The following DMD variants were observed in gnomAD, a reference collection of about 807,000 sequenced individuals.
The protein encoded by DMD is mutant dystrophin.
In DMD, 63 loss-of-function variants were observed where a neutral mutation model predicts 330.1. The ratio of observed to expected loss-of-function variants is 0.19; its 90% CI spans 0.16 to 0.24. The LOEUF is 0.24. Ranked by LOEUF, DMD falls within the 10% of genes least tolerant of loss-of-function variation. DMD has a pLI of 1.00. For missense variants in DMD, 3,344 were observed against 2,684.1 expected (o/e 1.25, Z -5.43); for synonymous variants, 1,223 against 959.8 (o/e 1.27, Z -5.07).
intron 13 of DMD, among the ~76,000 whole-genome samples, chrX:32,575,522 G>A (rs145478163): frequency 8.9e-6 from 1 of 112,142 alleles, no homozygotes; most frequent in South Asian, 3.7e-4. Context: ...GGAAATGTGC[G>A]AGCTTAAATC....
chrX:31,951,126 T>TATATATAC (rs1265596330), intron 45 of DMD, among the ~76,000 whole-genome samples: 10 of 80,383 alleles, frequency 1.2e-4, no homozygotes, highest in African/African-American at 3.9e-4. Flanking sequence ...TATATACATA[T>TATATATAC]ATATATATAT....
chrX:32,680,076 G>A (rs1226597954), intron 9 of DMD, among the ~76,000 whole-genome samples: 1 of 107,162 alleles, frequency 9.3e-6, no homozygotes, highest in African/African-American at 3.4e-5. Flanking sequence ...ACCACACCTG[G>A]CTGATTTTTG....
At chrX:31,381,889 C>T (rs1248063320) in intron 60 of DMD, among the ~76,000 whole-genome samples, 4 of 111,713 alleles carry the variant, frequency 3.6e-5, no homozygotes, top group South Asian at 3.8e-4. Context: ...CTCCCTTCCC[C>T]ACACATCAAG....
chrX:31,594,478 A>G (rs759454767), intron 55 of DMD, among the ~76,000 whole-genome samples: 19 of 111,758 alleles, frequency 1.7e-4, no homozygotes, highest in African/African-American at 6.1e-4. Flanking sequence ...CATCAAAAAA[A>G]TGTTGTTTGA....
chrX:32,055,007 G>A (rs1257280720), intron 44 of DMD, among the ~76,000 whole-genome samples: 2 of 111,093 alleles, frequency 1.8e-5, no homozygotes, highest in African/African-American at 6.5e-5. Flanking sequence ...CGTTAAGAAC[G>A]AACTTTGGAA....
intron 2 of DMD, among the ~76,000 whole-genome samples, chrX:32,994,002 C>A (rs1224872199): frequency 2.8e-5 from 3 of 108,839 alleles, no homozygotes; most frequent in Non-Finnish European, 3.8e-5. Flanking sequence ...GACAACCTGG[C>A]AGAAGTATGA....
At chrX:31,584,859 G>A (rs1190260571) in intron 55 of DMD, among the ~76,000 whole-genome samples, 1 of 111,353 alleles carries the variant, frequency 9.0e-6, no homozygotes, top group Non-Finnish European at 1.9e-5. Flanking sequence ...AAAAAGTATA[G>A]AAGGAGGAGA....
At chrX:31,895,147 G>A (rs1435767937) in intron 47 of DMD, among the ~76,000 whole-genome samples, 1 of 111,687 alleles carries the variant, frequency 9.0e-6, no homozygotes, top group Non-Finnish European at 1.9e-5. Context: ...ACACTACAAA[G>A]TCATGGAGTC....
chrX:32,612,038 C>A (rs2057217913), intron 12 of DMD, among the ~76,000 whole-genome samples: 2 of 93,093 alleles, frequency 2.1e-5, no homozygotes, highest in Non-Finnish European at 4.1e-5. Flanking sequence ...AAAAACACAT[C>A]CTGAACAAAA....
intron 45 of DMD, among the ~76,000 whole-genome samples, chrX:31,935,654 A>G (rs2094913533): frequency 9.0e-6 from 1 of 111,386 alleles, no homozygotes; most frequent in Admixed American, 9.7e-5. Flanking sequence ...TGTTCTGAAT[A>G]CTTTTAGTTA....
At chrX:32,490,185 G>T (rs369095907) in intron 20 of DMD, among the ~76,000 whole-genome samples, 2 of 111,222 alleles carry the variant, frequency 1.8e-5, no homozygotes, top group South Asian at 7.6e-4. Flanking sequence ...GTATGCAAAT[G>T]AATCTCCACT....
At chrX:32,313,273 A>G (rs1328621578) in intron 41 of DMD, among the ~76,000 whole-genome samples, 1 of 111,487 alleles carries the variant, frequency 9.0e-6, no homozygotes, top group East Asian at 2.8e-4. Flanking sequence ...GTAACCCATC[A>G]CATAAACAGA....
At chrX:31,938,552 C>G (rs900957096) in intron 45 of DMD, among the ~76,000 whole-genome samples, 1 of 111,639 alleles carries the variant, frequency 9.0e-6, no homozygotes, top group Admixed American at 9.5e-5. Context: ...GCACCTTCAA[C>G]ATTGAAATTT....
chrX:32,949,005 C>A lies in DMD; in HGVS notation c.93+71134G>T, dbSNP rs1331538204. Among the ~76,000 whole-genome samples, 3 of 110,818 alleles carry A rather than the reference C, an allele frequency of 2.7e-5. No individual in the cohort carries two copies. The Admixed American group carries it at 2.9e-4, about 11-fold the overall frequency. ...TTACCTCAACATTTAACATCAAAAA[C>A]ATTTTCATTTTTATTAGATCATGAT... On this transcript the variant is annotated intron_variant, in intron 2 of 78. Transcript: ENST00000357033.
chrX:31,189,264 T>A (rs2042089030), intron 67 of DMD, among the ~76,000 whole-genome samples: 1 of 111,535 alleles, frequency 9.0e-6, no homozygotes, highest in African/African-American at 3.3e-5. Flanking sequence ...TGTGAACACT[T>A]AATAAACTAC....
At chrX:32,195,712 G>A (rs186418666) in intron 44 of DMD, among the ~76,000 whole-genome samples, 159 of 112,135 alleles carry the variant, frequency 1.4e-3, no homozygotes, top group Middle Eastern at 4.6e-3. Context: ...AGAGGCGGAG[G>A]AGGAGCTAGC....
chrX:31,370,484 G>A lies in DMD; in HGVS notation c.9085-21850C>T, dbSNP rs146956269. 6.0e-3 allele frequency among the ~76,000 whole-genome samples: 670 copies of A among 112,206 alleles called. 5 individuals carry two copies. Among genetic ancestry groups the A allele is most frequent in the African/African-American group, 0.02 (632 of 30,917 alleles). ...GGGAAACGTAAATTAAAAGCACAAT[G>A]AGATATTCCTACACACATATCAGAA... On this transcript the variant is annotated intron_variant, in intron 60 of 78. Coordinates refer to ENST00000357033, the MANE Select transcript of DMD (RefSeq NM_004006.3).
chrX:32,938,564 A>C (rs1241211912), intron 2 of DMD, among the ~76,000 whole-genome samples: 4 of 112,003 alleles, frequency 3.6e-5, no homozygotes. Flanking sequence ...ATCACTAGGA[A>C]TACAACAGGT....
At chrX:31,725,507 A>G (rs1439599214) in intron 52 of DMD, among the ~76,000 whole-genome samples, 1 of 111,841 alleles carries the variant, frequency 8.9e-6, no homozygotes, top group Non-Finnish European at 1.9e-5. Context: ...ACATTCATTC[A>G]GCTTTTACTA....
Sources: allele counts gnomAD v4.1 joint callset (sites outside exome capture counted in the v4.1 genomes callset), GRCh38; gene constraint gnomAD v4.1.1; transcripts MANE v1.5; gene names NCBI Gene and HGNC (gene_info 2026-07-23, HGNC 2026-07-21).